Variants in RERE observed in about 807,000 individuals in gnomAD.
RERE encodes arginine-glutamic acid dipeptide repeats protein.
A neutral mutation model predicts 146.1 loss-of-function variants in RERE; 40 were observed. The observed-to-expected ratio is 0.27, with a 90% CI of 0.21 to 0.36. The LOEUF (loss-of-function observed/expected upper bound fraction) is 0.36, where lower values mean the gene tolerates loss of function less well. RERE is among the 10% of genes least tolerant of loss of function. RERE has a pLI of 1.00. For synonymous variants in RERE, 1,003 were observed against 866.0 expected (o/e 1.16, Z -2.78); for missense variants, 1,933 against 2,138.7 (o/e 0.90, Z 1.90).
intron 1 of RERE, among the ~76,000 whole-genome samples, chr1:8,680,769 A>G (rs1200225057): frequency 6.6e-6 from 1 of 152,190 alleles, no homozygotes; most frequent in Non-Finnish European, 1.5e-5. Flanking sequence ...AGAGTATAAT[A>G]AACCTTACCA....
chr1:8,509,106 T>C (rs1263664766), intron 7 of RERE, among the ~76,000 whole-genome samples: 1 of 152,084 alleles, frequency 6.6e-6, no homozygotes, highest in Non-Finnish European at 1.5e-5. Flanking sequence ...GTAGTAAATT[T>C]CAGTAAATTT....
At chr1:8,395,504 C>T (rs895961313) in intron 12 of RERE, among the ~76,000 whole-genome samples, 1 of 151,426 alleles carries the variant, frequency 6.6e-6, no homozygotes, top group Admixed American at 6.6e-5. Flanking sequence ...TGAACAATTT[C>T]CTCTTTGGTC....
chr1:8,810,913 T>TA lies in RERE; in HGVS notation c.-145+6246dup, dbSNP rs1641794269. 2.0e-5 allele frequency among the ~76,000 whole-genome samples: 3 copies of TA among 152,070 alleles called. No individual in the cohort carries two copies. In the South Asian group the frequency reaches 6.2e-4, roughly 32 times the overall value. On this transcript the variant is annotated intron_variant, in intron 1 of 22. Transcript: ENST00000400908. ...TTGGGTAGGCAGGTAGGTAGACAGG[T>TA]AGTCAGTAGGCGGGCAGAGTCACAG...
At chr1:8,435,387 C>T (rs1408571310) in intron 11 of RERE, among the ~76,000 whole-genome samples, 1 of 152,246 alleles carries the variant, frequency 6.6e-6, no homozygotes, top group African/African-American at 2.4e-5. Flanking sequence ...AAGAATGTAT[C>T]TGGAGATGAT....
At chr1:8,815,228 A>G (rs1433408811) in intron 1 of RERE, among the ~76,000 whole-genome samples, 1 of 152,192 alleles carries the variant, frequency 6.6e-6, no homozygotes, top group Non-Finnish European at 1.5e-5. Context: ...TATAACCCTT[A>G]TTTACAAAAA....
intron 4 of RERE, among the ~76,000 whole-genome samples, chr1:8,577,108 G>A (rs1416403680): frequency 6.6e-6 from 1 of 151,794 alleles, no homozygotes; most frequent in African/African-American, 2.4e-5. Context: ...GGCGGAGGTT[G>A]CAGTGAGCCA....
intron 1 of RERE, among the ~76,000 whole-genome samples, chr1:8,745,947 G>A (rs543003270): frequency 3.5e-4 from 54 of 152,244 alleles, no homozygotes; most frequent in African/African-American, 1.2e-3. Flanking sequence ...ACATGCCTGT[G>A]GTCCCAGCTA....
intron 2 of RERE, among the ~76,000 whole-genome samples, chr1:8,652,352 G>A (rs1647672319): frequency 1.3e-5 from 2 of 152,152 alleles, no homozygotes; most frequent in Non-Finnish European, 2.9e-5. Context: ...CAGATTCACT[G>A]AAACACTACC....
chr1:8,367,551 T>C (rs550044971), intron 12 of RERE, among the ~76,000 whole-genome samples: 2 of 152,204 alleles, frequency 1.3e-5, no homozygotes, highest in East Asian at 1.9e-4. Flanking sequence ...TGATCACCAA[T>C]ACCTAGCAGA....
intron 12 of RERE, among the ~76,000 whole-genome samples, chr1:8,394,342 T>C (rs1013200833): frequency 5.3e-5 from 8 of 152,338 alleles, no homozygotes; most frequent in Non-Finnish European, 1.0e-4. Flanking sequence ...TTTTGAGAAA[T>C]ATTTCTTGCT....
intron 1 of RERE, among the ~76,000 whole-genome samples, chr1:8,720,293 C>T (rs917359306): frequency 6.6e-5 from 10 of 151,404 alleles, no homozygotes; most frequent in Non-Finnish European, 1.3e-4. Flanking sequence ...ACAGCACAAG[C>T]ACTTAGAATA....
intron 12 of RERE, among the ~76,000 whole-genome samples, chr1:8,366,939 AAAC>A (rs1339540465): frequency 4.7e-5 from 7 of 150,316 alleles, no homozygotes; most frequent in South Asian, 2.1e-4. Flanking sequence ...CAAAAAAAAA[AAAC>A]CCAAAAAACA....
At chr1:8,615,372 G>C (rs1481708836) in intron 3 of RERE, among the ~76,000 whole-genome samples, 1 of 152,076 alleles carries the variant, frequency 6.6e-6, no homozygotes, top group Non-Finnish European at 1.5e-5. Context: ...GGCAAAACTA[G>C]TTTAGTATGT....
intron 1 of RERE, among the ~76,000 whole-genome samples, chr1:8,760,972 T>A (rs1309871624): frequency 6.6e-6 from 1 of 152,114 alleles, no homozygotes; most frequent in Non-Finnish European, 1.5e-5. Flanking sequence ...ATCAGCTCCA[T>A]TATATAGACA....
At position 8,356,780 on chromosome 1, in the gene RERE, T is replaced by C. The variant is rs577151101; in HGVS notation, c.4340-534A>G. ...ATCTTGCGTCTCTCCCTTCAGAACG[T>C]TGCCTTGATCTGACCTCACTGCACC... On this transcript the variant is annotated intron_variant, in intron 20 of 22. Coordinates refer to ENST00000400908, the MANE Select transcript of RERE (RefSeq NM_001042681.2). This position sits in a 1 kb window ranked among gnomAD's most constrained non-coding sequence, Gnocchi z 5.2. 1.3e-5 allele frequency among the ~76,000 whole-genome samples: 2 copies of C among 152,242 alleles called. No homozygotes were observed. Among genetic ancestry groups the C allele is most frequent in the African/African-American group, 2.4e-5 (1 of 41,544 alleles).
chr1:8,465,629 T>A (rs754212810), intron 11 of RERE: 1 of 453,902 alleles, frequency 2.2e-6, no homozygotes, highest in Non-Finnish European at 4.2e-6. Context: ...ACAAGCTAGC[T>A]TGCACCAAAA....
intron 1 of RERE, among the ~76,000 whole-genome samples, chr1:8,718,405 A>G (rs1639801097): frequency 6.6e-6 from 1 of 152,252 alleles, no homozygotes; most frequent in Non-Finnish European, 1.5e-5. Context: ...AAATGAAGAA[A>G]ATCAAGCAAA....
chr1:8,591,104 G>A (rs1251815842), intron 4 of RERE, among the ~76,000 whole-genome samples: 2 of 152,194 alleles, frequency 1.3e-5, no homozygotes, highest in Non-Finnish European at 2.9e-5. Context: ...CTGAGACTCT[G>A]AAGAGAAGGC....
At position 8,360,881 on chromosome 1, in the gene RERE, G is replaced by A; in HGVS notation, c.2626C>T (p.Pro876Ser). The change falls in exon 18 of 23, where the codon CCC becomes TCC. Residue 876 changes from proline (P) to serine (S), a missense_variant. Physicochemically the swap from Pro to Ser is moderately conservative, Grantham distance 74. Transcript: ENST00000400908. ...GGGGCCTGGCCTTGGGAGGCCTGGG[G>A]AGGGAGGCCAAAGGGCTGTGGGGGG... is the stretch of plus-strand genomic sequence containing the variant. ...PGPPQPFGLP[P>S]QASQGQAPLG... 3 of 1,521,306 alleles carry A rather than the reference G, an allele frequency of 2.0e-6. No individual in the cohort carries two copies. Among genetic ancestry groups the A allele is most frequent in the Non-Finnish European group, 8.8e-7 (1 of 1,140,458 alleles). 94.2% of individuals were successfully genotyped at this position (1,521,306 alleles called of 1,614,324 possible). A position where few individuals can be genotyped will look rare whatever the true frequency, so the allele number is the denominator to read the frequency against.
Sources: allele counts gnomAD v4.1 joint callset (sites outside exome capture counted in the v4.1 genomes callset), GRCh38; gene constraint gnomAD v4.1.1; non-coding constraint Gnocchi (gnomAD v3.1); transcripts MANE v1.5; gene names NCBI Gene and HGNC (gene_info 2026-07-23, HGNC 2026-07-21).